Variants in CATSPERE observed in about 807,000 individuals in gnomAD.
The protein encoded by CATSPERE is cation channel sperm-associated auxiliary subunit epsilon.
Under a neutral mutation model 114.1 loss-of-function variants are expected in CATSPERE, and 93 were observed. The observed-to-expected ratio is 0.81, with a 90% confidence interval of 0.69 to 0.97. The LOEUF (loss-of-function observed/expected upper bound fraction) is 0.97, where lower values mean the gene tolerates loss of function less well. Among genes scored for constraint, CATSPERE ranks in the 50% least tolerant of loss-of-function variants. The probability of loss-of-function intolerance (pLI) is 0.00; values close to 1 mark genes in which losing one functional copy is unlikely to be tolerated. For synonymous variants in CATSPERE, 341 were observed against 384.1 expected (o/e 0.89, Z 1.31); for missense variants, 1,058 against 1,131.6 (o/e 0.93, Z 0.93).
chr1:244,482,156 TA>T (rs1355261619), intron 5 of CATSPERE, among the ~76,000 whole-genome samples: 1 of 152,148 alleles, frequency 6.6e-6, no homozygotes, highest in Non-Finnish European at 1.5e-5. Flanking sequence ...CTGTCACCTG[TA>T]AAAATATCAA....
intron 7 of CATSPERE, among the ~76,000 whole-genome samples, chr1:244,509,575 G>A (rs1675368713): frequency 6.6e-6 from 1 of 152,096 alleles, no homozygotes; most frequent in Non-Finnish European, 1.5e-5. Context: ...TGGTGTCAGG[G>A]TAACGCTTGC....
chr1:244,547,704 A>G (rs1659969353), intron 8 of CATSPERE, among the ~76,000 whole-genome samples: 1 of 152,234 alleles, frequency 6.6e-6, no homozygotes, highest in Non-Finnish European at 1.5e-5. Context: ...ATAAAAGGGA[A>G]GGAATAAAAT....
chr1:244,453,071 A>G (rs1558287775), upstream of CATSPERE, among the ~76,000 whole-genome samples: 1 of 152,148 alleles, frequency 6.6e-6, no homozygotes, highest in African/African-American at 2.4e-5. Flanking sequence ...AGAACCTGCT[A>G]TTAACTAACT....
At chr1:244,632,393 CAAAAA>C (rs35948602) in intron 20 of CATSPERE, among the ~76,000 whole-genome samples, 1 of 109,384 alleles carries the variant, frequency 9.1e-6, no homozygotes, top group African/African-American at 3.7e-5. Flanking sequence ...GACTCCAACT[CAAAAA>C]AAAAAAAAAA....
At chr1:244,492,283 G>A (rs1380200729) in intron 6 of CATSPERE, among the ~76,000 whole-genome samples, 1 of 152,116 alleles carries the variant, frequency 6.6e-6, no homozygotes, top group Non-Finnish European at 1.5e-5. Flanking sequence ...TGCAAGGCTG[G>A]TTCAACATAT....
upstream of CATSPERE, among the ~76,000 whole-genome samples, chr1:244,456,778 C>G (rs1666200160): frequency 6.6e-6 from 1 of 152,186 alleles, no homozygotes; most frequent in African/African-American, 2.4e-5. Context: ...CAGGCCTTAT[C>G]TTCACTTCTG....
chr1:244,482,317 AT>A (rs1041977055), intron 5 of CATSPERE, among the ~76,000 whole-genome samples: 1 of 151,902 alleles, frequency 6.6e-6, no homozygotes, highest in Non-Finnish European at 1.5e-5. Context: ...AATATAAAAA[AT>A]TTGCCAGGCA....
intron 20 of CATSPERE, among the ~76,000 whole-genome samples, chr1:244,624,408 A>G (rs1672822770): frequency 6.6e-6 from 1 of 152,166 alleles, no homozygotes; most frequent in African/African-American, 2.4e-5. Context: ...AATCCTCTCA[A>G]AGCTTACCAC....
Position 244,518,653 on chromosome 1 carries a change from T to C in CATSPERE, c.491T>C (p.Val164Ala), listed in dbSNP as rs778361586. Residue 164 changes from valine to alanine, a missense_variant, in exon 8 of 22, where the codon GTT becomes GCT. This residue lies in a region of CATSPERE where 271 missense variants were observed against 225.9 expected (regional missense o/e 1.20). Transcript: ENST00000366534. ...GGACAGAAGCCTGTCATACATACAG[T>C]TCTGAAGAGAAAAGTTTATTCTTCA... ...TLGQKPVIHTVLKRKVYSSNE... is the reference protein window; with the variant it reads ...TLGQKPVIHTALKRKVYSSNE... The C allele has an allele frequency of 2.3e-5, 37 of 1,590,460 alleles. No individual in the cohort carries two copies. The highest frequency in any genetic ancestry group is 2.9e-5 in the Non-Finnish European group (34 of 1,167,514).
At position 244,461,423 on chromosome 1, in the gene CATSPERE, A is replaced by T. The variant is rs771137601; in HGVS notation, c.-7A>T. 7.3e-7 allele frequency: 1 copy of T among 1,373,544 alleles called. No homozygotes were observed. The highest frequency in any genetic ancestry group is 3.0e-5 in the East Asian group (1 of 33,550). The allele number at this position is 1,373,544 out of a possible 1,614,324, so 85.1% of individuals were successfully genotyped here. ...CGAGGCGGTTGGGCGGAGGCGGAGC[A>T]GGCGCCATGTCAGCCCGGGAAGTGG... On this transcript the variant is annotated 5_prime_UTR_variant, in exon 1 of 22. Transcript: ENST00000366534.
At position 244,568,852 on chromosome 1, in the gene CATSPERE, G is replaced by A. The variant is rs184324375; in HGVS notation, c.1508-3478G>A. 1.3e-5 allele frequency among the ~76,000 whole-genome samples: 2 copies of A among 152,200 alleles called. No homozygotes were observed. The highest frequency in any genetic ancestry group is 1.9e-4 in the East Asian group (1 of 5,166). ...AGCCCCCTTTCCAGCGGAGTGAATCGTTCTCTCTCACTGGTGTTCCTGGCA... is the reference window on the plus strand; with the variant it reads ...AGCCCCCTTTCCAGCGGAGTGAATCATTCTCTCTCACTGGTGTTCCTGGCA... On this transcript the variant is annotated intron_variant, in intron 10 of 21. Coordinates refer to ENST00000366534, the MANE Select transcript of CATSPERE (RefSeq NM_001130957.2). This position sits in a 1 kb window ranked among gnomAD's most constrained non-coding sequence, Gnocchi z 4.4.
intron 6 of CATSPERE, among the ~76,000 whole-genome samples, chr1:244,494,742 T>C (rs1232114502): frequency 6.6e-6 from 1 of 152,102 alleles, no homozygotes; most frequent in Non-Finnish European, 1.5e-5. Context: ...AAATTACACC[T>C]CTATATAGAT....
chr1:244,539,888 T>A (rs9662194), intron 8 of CATSPERE, among the ~76,000 whole-genome samples: 1 of 149,584 alleles, frequency 6.7e-6, no homozygotes, highest in Non-Finnish European at 1.5e-5. Flanking sequence ...GTCTTGCTAG[T>A]GGTCTATCAA....
At position 244,583,974 on chromosome 1, in the gene CATSPERE, C is replaced by T. The variant is rs761019883; in HGVS notation, c.2085+35C>T. 1.4e-5 allele frequency: 22 copies of T among 1,582,840 alleles called. No homozygotes were observed. The Admixed American group carries it at 3.7e-4, about 27-fold the overall frequency. Reference sequence around the variant, plus strand: ...ATGGGCTGAAGACCCAAATATTTCACTTCAAGAATGTATAGGCGGTCAACC... The same window carrying T: ...ATGGGCTGAAGACCCAAATATTTCATTTCAAGAATGTATAGGCGGTCAACC... On this transcript the variant is annotated intron_variant, in intron 13 of 21. Coordinates refer to ENST00000366534, the MANE Select transcript of CATSPERE (RefSeq NM_001130957.2).
rs765004237 is a variant in CATSPERE at position 244,593,471 on chromosome 1, A to G, written c.2224-28A>G. ...TTCTGTCAATGGACCAAATATATAA[A>G]ATCACTAAAGTAGTTTTCCTTTTCT... is the stretch of plus-strand genomic sequence containing the variant. On this transcript the variant is annotated intron_variant, in intron 16 of 21. Coordinates refer to ENST00000366534, the MANE Select transcript of CATSPERE (RefSeq NM_001130957.2). 4.1e-5 allele frequency: 66 copies of G among 1,613,574 alleles called. No homozygotes were observed. The East Asian group carries it at 1.4e-3, about 35-fold the overall frequency.
chr1:244,548,997 A>G (rs1660187398), intron 8 of CATSPERE, among the ~76,000 whole-genome samples: 1 of 152,156 alleles, frequency 6.6e-6, no homozygotes, highest in Non-Finnish European at 1.5e-5. Flanking sequence ...CTCTGAGTCA[A>G]CAGGCAAAGA....
chr1:244,613,423 A>G (rs1002036174), intron 19 of CATSPERE, among the ~76,000 whole-genome samples: 6 of 152,236 alleles, frequency 3.9e-5, no homozygotes, highest in African/African-American at 1.4e-4. Flanking sequence ...TTTGAAAAAC[A>G]ACGTCAGAGT....
chr1:244,499,162 T>C, intron 7 of CATSPERE, 83 bp downstream of exon 7: 2 of 1,021,274 alleles, frequency 2.0e-6, no homozygotes, highest in Non-Finnish European at 3.0e-6. Flanking sequence ...TTATAATCAA[T>C]AGACAGGATT....
At chr1:244,627,145 G>A (rs1053155649) in intron 20 of CATSPERE, among the ~76,000 whole-genome samples, 2 of 152,174 alleles carry the variant, frequency 1.3e-5, no homozygotes, top group African/African-American at 4.8e-5. Context: ...AAGTAGGGAG[G>A]CTGAGGGGAG....
Sources: allele counts gnomAD v4.1 joint callset (sites outside exome capture counted in the v4.1 genomes callset), GRCh38; gene constraint gnomAD v4.1.1; regional missense constraint gnomAD v4.1.1; non-coding constraint Gnocchi (gnomAD v3.1); transcripts MANE v1.5; gene names NCBI Gene and HGNC (gene_info 2026-07-23, HGNC 2026-07-21).